Variants in AP1G1 observed in about 807,000 individuals in gnomAD.
AP1G1 encodes the protein AP-1 complex subunit gamma-1.
In AP1G1, 7 loss-of-function variants were observed where a neutral mutation model predicts 108.3. The observed-to-expected ratio is 0.06, with a 90% CI of 0.04 to 0.12. The LOEUF is 0.12. Among genes scored for constraint, AP1G1 ranks in the 10% least tolerant of loss-of-function variants. AP1G1 has a pLI of 1.00. For missense variants in AP1G1, 756 were observed against 1,010.7 expected (o/e 0.75, Z 3.42); for synonymous variants, 379 against 353.5 (o/e 1.07, Z -0.81).
chr16:71,795,898 G>C (rs2032568877), intron 1 of AP1G1, among the ~76,000 whole-genome samples: 1 of 152,182 alleles, frequency 6.6e-6, no homozygotes, highest in Non-Finnish European at 1.5e-5. Flanking sequence ...TGAATAAACG[G>C]AAAAGACCAG....
intron 22 of AP1G1, among the ~76,000 whole-genome samples, chr16:71,733,530 T>TCCCGGGTTC (rs1555550683): frequency 1.6e-4 from 25 of 152,086 alleles, no homozygotes; most frequent in Admixed American, 3.3e-4. Context: ...CACACCAGAC[T>TCCCGGGTTC]AATATTTTTA....
At chr16:71,790,348 C>T (rs1020307130) in intron 1 of AP1G1, among the ~76,000 whole-genome samples, 2 of 151,932 alleles carry the variant, frequency 1.3e-5, no homozygotes, top group African/African-American at 4.8e-5. Context: ...CGAGACCAGC[C>T]TGACCAACAT....
At chr16:71,737,880 G>A (rs2045569456) in intron 21 of AP1G1, among the ~76,000 whole-genome samples, 1 of 152,236 alleles carries the variant, frequency 6.6e-6, no homozygotes, top group Admixed American at 6.5e-5. Context: ...ACATTTTATT[G>A]GAACAGAACT....
At chr16:71,745,928 G>A (rs1487967282) in intron 17 of AP1G1, among the ~76,000 whole-genome samples, 1 of 152,118 alleles carries the variant, frequency 6.6e-6, no homozygotes. Context: ...CTGTATAATA[G>A]AAGAATAAAA....
rs2030494999 is a variant in AP1G1 at position 71,751,417 on chromosome 16, AT to A, written c.1285-1086del. The A allele has an allele frequency of 2.0e-5, 3 of 150,304 alleles. No individual in the cohort carries two copies. In the Admixed American group the frequency reaches 2.0e-4, roughly 10 times the overall value. 9.3% of individuals were successfully genotyped at this position (150,304 alleles called of 1,614,324 possible). ...ATTCCTAAATAGAACAATAGATTTAATTTGTAAGACTGAGACCAGTCCTAAC... is the reference window on the plus strand; with the variant it reads ...ATTCCTAAATAGAACAATAGATTTAATTGTAAGACTGAGACCAGTCCTAAC... On this transcript the variant is annotated intron_variant, in intron 13 of 22. Coordinates refer to ENST00000299980, the MANE Select transcript of AP1G1 (RefSeq NM_001128.6).
At chr16:71,791,544 ACATAGTGG>A (rs1291316792) in intron 1 of AP1G1, among the ~76,000 whole-genome samples, 1 of 151,942 alleles carries the variant, frequency 6.6e-6, no homozygotes, top group Non-Finnish European at 1.5e-5. Flanking sequence ...AGTTAGCCAA[ACATAGTGG>A]CACACGACTA....
At chr16:71,788,876 C>CA (rs2032302475) in intron 2 of AP1G1, among the ~76,000 whole-genome samples, 5 of 151,332 alleles carry the variant, frequency 3.3e-5, no homozygotes. Flanking sequence ...AGGCTGATCT[C>CA]AAACTCCTGG....
intron 2 of AP1G1, among the ~76,000 whole-genome samples, chr16:71,788,657 CTT>C (rs10551804): frequency 0.85 from 127,913 of 150,190 alleles, 54,596 homozygotes; most frequent in East Asian, 0.98. Flanking sequence ...ATTTAGCAAG[CTT>C]TTTTTTTTAA....
intron 20 of AP1G1, 54 bp from the exon 21 acceptor site, chr16:71,739,156 A>C: frequency 6.2e-7 from 1 of 1,610,872 alleles, no homozygotes; most frequent in South Asian, 1.1e-5. Context: ...TGCTTGCAGA[A>C]TTATTACTTC....
At chr16:71,765,979 T>A (rs1445375994) in intron 6 of AP1G1, among the ~76,000 whole-genome samples, 1 of 152,220 alleles carries the variant, frequency 6.6e-6, no homozygotes, top group African/African-American at 2.4e-5. Context: ...AACATTTGCA[T>A]GTAACATGTC....
At chr16:71,795,822 T>C (rs772294238) in intron 1 of AP1G1, among the ~76,000 whole-genome samples, 11 of 151,934 alleles carry the variant, frequency 7.2e-5, no homozygotes, top group Admixed American at 2.0e-4. Flanking sequence ...TTGAGGGGAG[T>C]AGAGGGGTGC....
At chr16:71,790,961 C>T (rs1325250146) in intron 1 of AP1G1, among the ~76,000 whole-genome samples, 1 of 152,202 alleles carries the variant, frequency 6.6e-6, no homozygotes, top group Non-Finnish European at 1.5e-5. Flanking sequence ...TGGCTCACGC[C>T]TTTAATGCCA....
At chr16:71,765,933 T>C (rs2031293861) in intron 6 of AP1G1, among the ~76,000 whole-genome samples, 1 of 152,176 alleles carries the variant, frequency 6.6e-6, no homozygotes, top group African/African-American at 2.4e-5. Flanking sequence ...TTGAAAAGCC[T>C]AGGTGGCAAA....
At chr16:71,762,204 A>G (rs904091856) in intron 9 of AP1G1, among the ~76,000 whole-genome samples, 7 of 152,134 alleles carry the variant, frequency 4.6e-5, no homozygotes, top group Admixed American at 3.9e-4. Context: ...GCATTCTGAC[A>G]CATGGTTCAA....
At chr16:71,780,314 T>C (rs1373877155) in intron 2 of AP1G1, among the ~76,000 whole-genome samples, 1 of 152,038 alleles carries the variant, frequency 6.6e-6, no homozygotes, top group Admixed American at 6.6e-5. Context: ...AAGTTTTGTC[T>C]TAAAATTTTG....
intron 1 of AP1G1, among the ~76,000 whole-genome samples, chr16:71,802,320 G>A (rs1415293432): frequency 6.6e-6 from 1 of 152,078 alleles, no homozygotes; most frequent in African/African-American, 2.4e-5. Context: ...AGGCTGGAGT[G>A]CAGTGGCACA....
intron 11 of AP1G1, 125 bp from the exon 12 acceptor site, chr16:71,756,284 G>T: frequency 1.3e-6 from 1 of 743,294 alleles, no homozygotes; most frequent in Non-Finnish European, 2.1e-6. Context: ...ACGATCTTGT[G>T]ATCCCAATCT....
intron 10 of AP1G1, 23 bp from the exon 11 acceptor site, chr16:71,758,944 AAC>A (rs1290965867): frequency 4.4e-6 from 6 of 1,369,190 alleles, no homozygotes; most frequent in African/African-American, 1.5e-5. Flanking sequence ...GTTGCAAAAT[AAC>A]AGAGTTAAAA....
rs2030137475 is a variant in AP1G1, at chr16:71,745,696, C to T, written c.1731-82G>A. 2.5e-6 allele frequency: 3 copies of T among 1,205,926 alleles called. No homozygotes were observed. The East Asian group carries it at 7.0e-5, about 28-fold the overall frequency. 74.7% of individuals were successfully genotyped at this position (1,205,926 alleles called of 1,614,324 possible). A position where few individuals can be genotyped will look rare whatever the true frequency, so the allele number is the denominator to read the frequency against. On this transcript the variant is annotated intron_variant, in intron 17 of 22. Coordinates refer to ENST00000299980, the MANE Select transcript of AP1G1 (RefSeq NM_001128.6). Reference sequence around the variant, plus strand: ...AATAATCACCATTAACTATGTTGAGCCCAAGCATGGAGATCTATCTCCCCT... The same window carrying T: ...AATAATCACCATTAACTATGTTGAGTCCAAGCATGGAGATCTATCTCCCCT...
Sources: allele counts gnomAD v4.1 joint callset (sites outside exome capture counted in the v4.1 genomes callset), GRCh38; gene constraint gnomAD v4.1.1; transcripts MANE v1.5; gene names NCBI Gene and HGNC (gene_info 2026-07-23, HGNC 2026-07-21).